SPOCK3: variants seen among roughly 807,000 people sequenced by gnomAD.
SPOCK3 encodes testican-3.
In SPOCK3, 30 loss-of-function variants were observed where a neutral mutation model predicts 56.6. The ratio of observed to expected loss-of-function variants is 0.53; its 90% CI spans 0.40 to 0.72. SPOCK3 has a LOEUF of 0.72. Ranked by LOEUF, SPOCK3 falls within the 30% of genes least tolerant of loss-of-function variation. The pLI is 0.00. For missense variants in SPOCK3, 527 were observed against 530.0 expected (o/e 0.99, Z 0.06); for synonymous variants, 196 against 183.3 (o/e 1.07, Z -0.56).
In SPOCK3 at chr4:166,734,840, G is replaced by T. The variant is rs552596758; in HGVS notation, c.*81C>A. 3 of 1,142,074 alleles carry T rather than the reference G, an allele frequency of 2.6e-6. No homozygotes were observed. The highest frequency in any genetic ancestry group is 3.6e-6 in the Non-Finnish European group (3 of 826,032). 70.7% of individuals were successfully genotyped at this position (1,142,074 alleles called of 1,614,324 possible). On this transcript the variant is annotated 3_prime_UTR_variant, in exon 11 of 11. Transcript: ENST00000357545. Reference sequence around the variant, plus strand: ...TGAGGTTTAGAATCATTTTGTTATTGGGGAAGAAGATAATTTTAAATAGGC... The same window carrying T: ...TGAGGTTTAGAATCATTTTGTTATTTGGGAAGAAGATAATTTTAAATAGGC...
At chr4:167,064,028 G>C (rs1580176392) in intron 2 of SPOCK3, among the ~76,000 whole-genome samples, 1 of 151,630 alleles carries the variant, frequency 6.6e-6, no homozygotes, top group East Asian at 1.9e-4. Context: ...CTTCTTTCTA[G>C]CCTCTTTTTT....
chr4:167,091,000 T>C (rs1307939049), intron 2 of SPOCK3, among the ~76,000 whole-genome samples: 2 of 152,122 alleles, frequency 1.3e-5, no homozygotes, highest in Admixed American at 1.3e-4. Context: ...ATCAAAATGA[T>C]CCAATTATAA....
At position 167,069,672 on chromosome 4, in the gene SPOCK3, C is replaced by A. The variant is rs560908217; in HGVS notation, c.190-7135G>T. 2.0e-5 allele frequency among the ~76,000 whole-genome samples: 3 copies of A among 152,024 alleles called. No individual in the cohort carries two copies. The South Asian group carries it at 6.2e-4, about 32-fold the overall frequency. On this transcript the variant is annotated intron_variant, in intron 2 of 10. Coordinates refer to ENST00000357545, the MANE Select transcript of SPOCK3 (RefSeq NM_001040159.2). ...CAGTGCATCTTCGGATACACAGATA[C>A]AGAACCTCCAAACAATCCCTTGTTC...
At chr4:166,912,139 A>G (rs1014097691) in intron 5 of SPOCK3, among the ~76,000 whole-genome samples, 3 of 152,168 alleles carry the variant, frequency 2.0e-5, no homozygotes, top group Non-Finnish European at 2.9e-5. Context: ...ATTATATCAA[A>G]TCCTAGCTTC....
At position 167,134,030 on chromosome 4, in the gene SPOCK3, T is replaced by C. The variant is rs996752483; in HGVS notation, c.190-71493A>G. On this transcript the variant is annotated intron_variant, in intron 2 of 10. Transcript: ENST00000357545. ...AACTTTTACACCTTTTTCTTTTTTT[T>C]TTTTTTTTTTTTTTTTGAGACAGAG... Among the ~76,000 whole-genome samples the C allele has an allele frequency of 8.9e-3, 1,244 of 140,138 alleles. 9 individuals carry two copies. Among genetic ancestry groups the C allele is most frequent in the Non-Finnish European group, 0.014 (889 of 64,428 alleles). The allele number at this position is 140,138 out of a possible 152,430, so 91.9% of individuals were successfully genotyped here. A position where few individuals can be genotyped will look rare whatever the true frequency, so the allele number is the denominator to read the frequency against.
At chr4:167,069,784 T>C (rs1756504694) in intron 2 of SPOCK3, among the ~76,000 whole-genome samples, 1 of 151,972 alleles carries the variant, frequency 6.6e-6, no homozygotes, top group South Asian at 2.1e-4. Flanking sequence ...GCTTTAGCCT[T>C]AGAAAATGGT....
intron 6 of SPOCK3, among the ~76,000 whole-genome samples, chr4:166,870,935 C>T (rs1171591157): frequency 1.3e-5 from 2 of 152,020 alleles, no homozygotes; most frequent in Non-Finnish European, 2.9e-5. Context: ...TTATAAGCAT[C>T]TGGCATTACC....
rs754817156 is a variant in SPOCK3 at position 167,105,858 on chromosome 4, G to A, written c.190-43321C>T. Among the ~76,000 whole-genome samples, 45 of 151,828 alleles carry A rather than the reference G, an allele frequency of 3.0e-4. 1 individual carries two copies. Among genetic ancestry groups the A allele is most frequent in the Non-Finnish European group, 5.9e-4 (40 of 67,822 alleles). On this transcript the variant is annotated intron_variant, in intron 2 of 10. Coordinates refer to ENST00000357545, the MANE Select transcript of SPOCK3 (RefSeq NM_001040159.2). ...AGGAGTAGTTATATAAGACAAAATAGATTGTATGACAAAAACTATAAGAAA... is the reference window on the plus strand; with the variant it reads ...AGGAGTAGTTATATAAGACAAAATAAATTGTATGACAAAAACTATAAGAAA...
chr4:166,762,141 CAG>C (rs1456003937), intron 7 of SPOCK3, among the ~76,000 whole-genome samples: 1 of 151,992 alleles, frequency 6.6e-6, no homozygotes, highest in African/African-American at 2.4e-5. Flanking sequence ...AGAATCAAAA[CAG>C]AGTTATCTCA....
intron 4 of SPOCK3, among the ~76,000 whole-genome samples, chr4:166,938,955 CCACA>C (rs59234659): frequency 0.038 from 5,649 of 148,400 alleles, 323 homozygotes; most frequent in African/African-American, 0.13. Context: ...CATACACACA[CCACA>C]CACACACACA....
chr4:167,142,552 G>A (rs1460429528), intron 2 of SPOCK3, among the ~76,000 whole-genome samples: 3 of 151,994 alleles, frequency 2.0e-5, no homozygotes, highest in Non-Finnish European at 4.4e-5. Flanking sequence ...AAAGGGTATA[G>A]TTATTTTAGG....
chr4:166,941,421 A>G (rs1033542489), intron 4 of SPOCK3, among the ~76,000 whole-genome samples: 3 of 152,110 alleles, frequency 2.0e-5, no homozygotes, highest in Non-Finnish European at 2.9e-5. Context: ...TTCCTTTTTT[A>G]TCAATTGCAG....
intron 2 of SPOCK3, among the ~76,000 whole-genome samples, chr4:167,231,819 A>G (rs931012272): frequency 1.3e-5 from 2 of 152,298 alleles, no homozygotes; most frequent in African/African-American, 4.8e-5. Context: ...AGGGTAAAAA[A>G]TGATGGCATT....
intron 6 of SPOCK3, among the ~76,000 whole-genome samples, chr4:166,796,834 AAGTGT>A (rs1741990710): frequency 6.6e-6 from 1 of 152,202 alleles, no homozygotes; most frequent in Non-Finnish European, 1.5e-5. Flanking sequence ...ATTTGTATAT[AAGTGT>A]AGTACAGTTA....
intron 2 of SPOCK3, among the ~76,000 whole-genome samples, chr4:167,187,913 T>C (rs1170241220): frequency 6.6e-6 from 1 of 152,114 alleles, no homozygotes; most frequent in African/African-American, 2.4e-5. Flanking sequence ...TGGGCTGCCA[T>C]GCAAGGGTAA....
chr4:166,749,462 G>A (rs1023750742), intron 8 of SPOCK3, among the ~76,000 whole-genome samples: 5 of 151,862 alleles, frequency 3.3e-5, no homozygotes, highest in Non-Finnish European at 7.4e-5. Context: ...ACAGGGTTGG[G>A]AACTTCACAC....
At chr4:166,879,282 G>A (rs1032175805) in intron 6 of SPOCK3, among the ~76,000 whole-genome samples, 3 of 151,984 alleles carry the variant, frequency 2.0e-5, no homozygotes, top group African/African-American at 2.4e-5. Flanking sequence ...TAATCCCAGC[G>A]CTTTGGGAGC....
intron 9 of SPOCK3, among the ~76,000 whole-genome samples, chr4:166,739,827 CA>C (rs1223823517): frequency 1.3e-5 from 2 of 151,790 alleles, no homozygotes; most frequent in African/African-American, 4.8e-5. Flanking sequence ...TTCACTATCT[CA>C]AAAAGTTTGA....
chr4:167,155,397 C>T (rs1250598927), intron 2 of SPOCK3, among the ~76,000 whole-genome samples: 2 of 151,918 alleles, frequency 1.3e-5, no homozygotes, highest in Non-Finnish European at 2.9e-5. Flanking sequence ...GGATTACAGG[C>T]ATAAACCACC....
Sources: gnomAD v4.1 joint callset for allele counts (sites outside exome capture counted in the v4.1 genomes callset) on GRCh38, gnomAD v4.1.1 for gene constraint, MANE v1.5 for transcripts, NCBI Gene and HGNC (gene_info 2026-07-23, HGNC 2026-07-21) for gene names.